Variants in LAMA2 observed in about 807,000 individuals in gnomAD.
The protein encoded by LAMA2 is laminin subunit alpha 2.
Under a neutral mutation model 364.8 loss-of-function variants are expected in LAMA2, and 269 were observed. The ratio of observed to expected loss-of-function variants is 0.74; its 90% CI spans 0.67 to 0.82. The LOEUF is 0.82. LAMA2 is among the 40% of genes least tolerant of loss of function. The pLI, the probability that LAMA2 is intolerant of heterozygous loss-of-function variation, is 0.00. For synonymous variants in LAMA2, 1,379 were observed against 1,370.6 expected (o/e 1.01, Z -0.14); for missense variants, 3,807 against 3,873.2 (o/e 0.98, Z 0.45).
At chr6:129,481,205 G>T (rs1784328893) in intron 54 of LAMA2, 58 bp from the exon 55 acceptor site, 1 of 1,360,796 alleles carries the variant, frequency 7.3e-7, no homozygotes, top group Non-Finnish European at 1.1e-6. Context: ...GTGAGATGGA[G>T]AACTTATTTA....
intron 3 of LAMA2, among the ~76,000 whole-genome samples, chr6:129,076,484 TTATATATTATATATAAATA>T (rs1180495574): frequency 7.2e-6 from 1 of 139,234 alleles, no homozygotes; most frequent in African/African-American, 2.7e-5. Context: ...ATAATATATC[TTATATATTATATATAAATA>T]TATATATATA....
intron 4 of LAMA2, among the ~76,000 whole-genome samples, chr6:129,136,798 G>T (rs1286011984): frequency 1.3e-5 from 2 of 152,242 alleles, no homozygotes; most frequent in East Asian, 3.9e-4. Flanking sequence ...TTAAAGAAAA[G>T]AAGAATGGCA....
At chr6:129,283,507 C>T (rs188032192) in intron 18 of LAMA2, among the ~76,000 whole-genome samples, 150 of 151,838 alleles carry the variant, frequency 9.9e-4, no homozygotes, top group African/African-American at 3.3e-3. Context: ...AAGCCCTCCC[C>T]GCTCCCCAGC....
intron 53 of LAMA2, among the ~76,000 whole-genome samples, chr6:129,477,350 C>CTGT (rs1168855696): frequency 1.3e-5 from 2 of 152,168 alleles, no homozygotes; most frequent in Non-Finnish European, 2.9e-5. Context: ...TGGAATAGCA[C>CTGT]TGTTATAATT....
chr6:128,927,769 AATT>A (rs534491595), intron 1 of LAMA2, among the ~76,000 whole-genome samples: 239 of 152,288 alleles, frequency 1.6e-3, no homozygotes, highest in African/African-American at 5.5e-3. Context: ...TGTCACAATT[AATT>A]ATTATTAATA....
chr6:128,992,898 A>G (rs914815189), intron 1 of LAMA2, among the ~76,000 whole-genome samples: 6 of 152,326 alleles, frequency 3.9e-5, no homozygotes, highest in East Asian at 3.9e-4. Context: ...AGTTAAGACA[A>G]TGTTAAAGTA....
In LAMA2 at chr6:129,291,668, G is replaced by A; in HGVS notation, c.2804G>A (p.Gly935Glu). 1 of 1,614,108 alleles carries A rather than the reference G, an allele frequency of 6.2e-7. No individual in the cohort carries two copies. Reference protein sequence around the residue: ...SFSEVCHSQTGQCECRANVQG... With the variant: ...SFSEVCHSQTEQCECRANVQG... ...TCTGAGGTTTGCCACAGTCAAACTGGACAGTGTGAGTGCAGAGCCAACGTT... is the reference window on the plus strand; with the variant it reads ...TCTGAGGTTTGCCACAGTCAAACTGAACAGTGTGAGTGCAGAGCCAACGTT... Residue 935 changes from glycine (G) to glutamate (E), a missense_variant, in exon 20 of 65, where the codon GGA (glycine) becomes GAA (glutamate). Coordinates refer to ENST00000421865, the MANE Select transcript of LAMA2 (RefSeq NM_000426.4).
rs759730424 is a variant in LAMA2, at chr6:129,192,640, A to AT, written c.1609-34dup. 5 of 1,588,234 alleles carry AT rather than the reference A, an allele frequency of 3.1e-6. No individual in the cohort carries two copies. In the East Asian group the frequency reaches 8.9e-5, roughly 28 times the overall value. ...TGAAAGAGAAAAGCAGCTGATAGAT[A>AT]TTTTTTAAAAATTAATGATGACTGT... On this transcript the variant is annotated intron_variant, in intron 11 of 64. Coordinates refer to ENST00000421865, the MANE Select transcript of LAMA2 (RefSeq NM_000426.4).
intron 1 of LAMA2, among the ~76,000 whole-genome samples, chr6:129,039,633 A>T (rs1224279777): frequency 6.6e-6 from 1 of 152,222 alleles, no homozygotes; most frequent in African/African-American, 2.4e-5. Context: ...GTTTGGCACC[A>T]GGGACCAGTT....
chr6:129,226,729 G>C (rs1784312717), intron 12 of LAMA2, among the ~76,000 whole-genome samples: 1 of 152,058 alleles, frequency 6.6e-6, no homozygotes, highest in African/African-American at 2.4e-5. Context: ...TTCCCTTTGA[G>C]GGTAACCCGA....
intron 9 of LAMA2, among the ~76,000 whole-genome samples, chr6:129,177,366 ATTC>A (rs1780657562): frequency 6.6e-6 from 1 of 152,140 alleles, no homozygotes; most frequent in African/African-American, 2.4e-5. Flanking sequence ...GTTACTGCTT[ATTC>A]TTCTCAATGT....
At chr6:128,969,135 T>G (rs1782032408) in intron 1 of LAMA2, among the ~76,000 whole-genome samples, 2 of 152,156 alleles carry the variant, frequency 1.3e-5, no homozygotes, top group African/African-American at 4.8e-5. Flanking sequence ...ACACTATCAA[T>G]TCTGGCTAAC....
intron 37 of LAMA2, among the ~76,000 whole-genome samples, chr6:129,400,517 G>A (rs1779909024): frequency 6.6e-6 from 1 of 152,166 alleles, no homozygotes. Flanking sequence ...TCTGTAGGTA[G>A]AATGGTGATT....
At chr6:129,403,687 C>A in intron 39 of LAMA2, 134 bp from the exon 40 acceptor site, 1 of 802,968 alleles carries the variant, frequency 1.2e-6, no homozygotes, top group Non-Finnish European at 2.1e-6. Flanking sequence ...TAAGTAGATA[C>A]TTCACTATTA....
At chr6:129,116,920 C>G (rs1391462192) in intron 4 of LAMA2, among the ~76,000 whole-genome samples, 1 of 151,910 alleles carries the variant, frequency 6.6e-6, no homozygotes, top group Non-Finnish European at 1.5e-5. Context: ...TTATGCTTGT[C>G]TTTGAGAAAA....
chr6:129,042,618 A>C (rs537004988), intron 1 of LAMA2, among the ~76,000 whole-genome samples: 8 of 152,338 alleles, frequency 5.3e-5, no homozygotes, highest in Admixed American at 2.0e-4. Flanking sequence ...ACTGCTATCA[A>C]GAATATTATC....
Position 129,315,882 on chromosome 6 carries a change from A to T in LAMA2, c.3856A>T (p.Ile1286Phe). 6.2e-7 allele frequency: 1 copy of T among 1,614,146 alleles called. No individual in the cohort carries two copies. The highest frequency in any genetic ancestry group is 1.1e-5 in the South Asian group (1 of 91,080). Reference protein sequence around the residue: ...IRGGTPTHARIIVRHMAAPLI... With the variant: ...IRGGTPTHARFIVRHMAAPLI... ...AGGTGGGACACCTACTCATGCTAGAATTATCGTCAGGCATATGGCTGCTCC... is the reference window on the plus strand; with the variant it reads ...AGGTGGGACACCTACTCATGCTAGATTTATCGTCAGGCATATGGCTGCTCC... The change falls in exon 26 of 65, where the codon ATT (isoleucine) becomes TTT (phenylalanine). Residue 1286 changes from isoleucine (I) to phenylalanine (F), a missense_variant. By Grantham distance (21) the Ile-to-Phe change is conservative. Coordinates refer to ENST00000421865, the MANE Select transcript of LAMA2 (RefSeq NM_000426.4).
At chr6:129,515,024 C>T (rs9402138) in intron 64 of LAMA2, among the ~76,000 whole-genome samples, 2 of 152,220 alleles carry the variant, frequency 1.3e-5, no homozygotes, top group East Asian at 3.9e-4. Flanking sequence ...TAATTTCCCC[C>T]TTATGTTATT....
chr6:129,288,917 G>A (rs1364837045), intron 19 of LAMA2, among the ~76,000 whole-genome samples: 1 of 152,124 alleles, frequency 6.6e-6, no homozygotes, highest in East Asian at 1.9e-4. Context: ...TCAAATTTAT[G>A]TGAGAGACTC....
Sources: allele counts gnomAD v4.1 joint callset (sites outside exome capture counted in the v4.1 genomes callset), GRCh38; gene constraint gnomAD v4.1.1; transcripts MANE v1.5; gene names NCBI Gene and HGNC (gene_info 2026-07-23, HGNC 2026-07-21).